The following DPP10 variants were observed in gnomAD, a reference collection of about 807,000 sequenced individuals.
The protein encoded by DPP10 is inactive dipeptidyl peptidase 10.
A neutral mutation model predicts 120.9 loss-of-function variants in DPP10; 33 were observed. The observed-to-expected ratio is 0.27, with a 90% CI of 0.21 to 0.37. The LOEUF (loss-of-function observed/expected upper bound fraction) is 0.37, where lower values mean the gene tolerates loss of function less well. Among genes scored for constraint, DPP10 ranks in the 10% least tolerant of loss-of-function variants. The pLI is 1.00. For missense variants in DPP10, 816 were observed against 942.8 expected (o/e 0.87, Z 1.76); for synonymous variants, 337 against 326.1 (o/e 1.03, Z -0.36).
chr2:114,820,535 A>G lies in DPP10; in HGVS notation c.60+377697A>G, dbSNP rs182023151. ...AGACATACCTGAGACAGGGTAATTT[A>G]TAAAGGAAAGAAGTTTAATTGACTC... On this transcript the variant is annotated intron_variant, in intron 1 of 25. Coordinates refer to ENST00000410059, the MANE Select transcript of DPP10 (RefSeq NM_020868.6). 2.1e-3 allele frequency among the ~76,000 whole-genome samples: 320 copies of G among 152,336 alleles called. 1 individual carries two copies. Among genetic ancestry groups the G allele is most frequent in the African/African-American group, 7.4e-3 (308 of 41,572 alleles).
At chr2:115,315,118 C>T (rs2061729694) in intron 2 of DPP10, among the ~76,000 whole-genome samples, 1 of 151,912 alleles carries the variant, frequency 6.6e-6, no homozygotes, top group South Asian at 2.1e-4. Flanking sequence ...GATTCATCTC[C>T]TAGCCTTACT....
In DPP10 at chr2:115,723,039, G is replaced by A. The variant is rs1000392376; in HGVS notation, c.577-4777G>A. 4.6e-4 allele frequency among the ~76,000 whole-genome samples: 70 copies of A among 152,086 alleles called. 2 individuals are homozygous for A. The highest frequency in any genetic ancestry group is 1.4e-3 in the African/African-American group (60 of 41,422). ...GCCAGAGCCACTGCCAGAGGCTTCC[G>A]GTTTCTGACTGGTAGAGCTCTCCTT... On this transcript the variant is annotated intron_variant, in intron 7 of 25. Transcript: ENST00000410059.
intron 1 of DPP10, among the ~76,000 whole-genome samples, chr2:115,251,980 C>G (rs182021381): frequency 4.6e-5 from 7 of 152,302 alleles, no homozygotes; most frequent in Non-Finnish European, 8.8e-5. Context: ...CAGACAATCT[C>G]TCTTGTTGAG....
intron 19 of DPP10, among the ~76,000 whole-genome samples, chr2:115,797,549 G>C (rs1017892247): frequency 6.6e-6 from 1 of 151,964 alleles, no homozygotes; most frequent in Non-Finnish European, 1.5e-5. Flanking sequence ...GCCATATAAT[G>C]AGGTTCAAAG....
intron 1 of DPP10, among the ~76,000 whole-genome samples, chr2:114,528,035 G>T (rs987695132): frequency 1.3e-5 from 2 of 152,142 alleles, no homozygotes; most frequent in African/African-American, 4.8e-5. Flanking sequence ...ATGGAGAGTG[G>T]AGTGTCAATG....
chr2:114,667,578 G>A (rs1269248962), intron 1 of DPP10, among the ~76,000 whole-genome samples: 3 of 152,130 alleles, frequency 2.0e-5, no homozygotes, highest in African/African-American at 4.8e-5. Flanking sequence ...CAAAGAAAAT[G>A]GAGTCAGTGA....
At chr2:114,977,266 A>G (rs1429492717) in intron 1 of DPP10, among the ~76,000 whole-genome samples, 1 of 152,142 alleles carries the variant, frequency 6.6e-6, no homozygotes, top group Non-Finnish European at 1.5e-5. Context: ...ACACGCTTGC[A>G]AAGTTATATG....
intron 1 of DPP10, among the ~76,000 whole-genome samples, chr2:114,702,208 A>G (rs1359523344): frequency 1.3e-5 from 2 of 152,184 alleles, no homozygotes; most frequent in Non-Finnish European, 2.9e-5. Context: ...GTAGGTATTC[A>G]GTACAAATAT....
intron 3 of DPP10, chr2:115,468,621 G>T: frequency 7.8e-6 from 3 of 384,736 alleles, no homozygotes; most frequent in South Asian, 6.0e-5. Flanking sequence ...CATCTCCCAT[G>T]AACATCCATG....
At chr2:115,322,203 C>A (rs1299496246) in intron 2 of DPP10, among the ~76,000 whole-genome samples, 1 of 152,000 alleles carries the variant, frequency 6.6e-6, no homozygotes, top group Non-Finnish European at 1.5e-5. Context: ...TTGTTTCTTG[C>A]TGTAGGCTGT....
intron 5 of DPP10, among the ~76,000 whole-genome samples, chr2:115,548,431 G>A (rs1015116881): frequency 2.0e-5 from 3 of 152,086 alleles, no homozygotes; most frequent in Non-Finnish European, 1.5e-5. Context: ...TATTAAAGAC[G>A]AGTTTCCCAG....
intron 5 of DPP10, among the ~76,000 whole-genome samples, chr2:115,600,964 G>A (rs953154102): frequency 1.3e-5 from 2 of 152,012 alleles, no homozygotes; most frequent in Non-Finnish European, 2.9e-5. Context: ...GTTTTGAATT[G>A]GGCTTTTTAG....
intron 2 of DPP10, among the ~76,000 whole-genome samples, chr2:115,332,352 T>C (rs1574456637): frequency 6.6e-6 from 1 of 152,304 alleles, no homozygotes; most frequent in East Asian, 1.9e-4. Flanking sequence ...TCTATCAATT[T>C]TGTTGATCTT....
At chr2:115,147,608 A>T (rs1368477237) in intron 1 of DPP10, among the ~76,000 whole-genome samples, 1 of 152,162 alleles carries the variant, frequency 6.6e-6, no homozygotes, top group South Asian at 2.1e-4. Context: ...ATTCTCAAAA[A>T]CAAAAGGAAA....
chr2:115,439,107 G>T (rs946863010), intron 3 of DPP10, among the ~76,000 whole-genome samples: 9 of 108,616 alleles, frequency 8.3e-5, no homozygotes, highest in Admixed American at 2.7e-4. Context: ...GAAGCACAGT[G>T]TGGAATAGTG....
intron 4 of DPP10, among the ~76,000 whole-genome samples, chr2:115,504,472 A>T (rs1049358717): frequency 6.6e-6 from 1 of 151,956 alleles, no homozygotes; most frequent in Non-Finnish European, 1.5e-5. Flanking sequence ...CTGTTGCTAG[A>T]TACCTTCATA....
chr2:115,383,290 A>G (rs1292484612), intron 3 of DPP10, among the ~76,000 whole-genome samples: 2 of 152,162 alleles, frequency 1.3e-5, no homozygotes, highest in Non-Finnish European at 2.9e-5. Flanking sequence ...AAGTCTCACA[A>G]GATATGATGG....
intron 13 of DPP10, 43 bp downstream of exon 13, chr2:115,768,447 A>C: frequency 6.4e-7 from 1 of 1,564,990 alleles, no homozygotes; most frequent in Non-Finnish European, 8.8e-7. Flanking sequence ...CATTGTCCTC[A>C]TGTCCCCGAA....
At chr2:115,521,329 A>T (rs150039839) in intron 4 of DPP10, among the ~76,000 whole-genome samples, 86 of 152,308 alleles carry the variant, frequency 5.6e-4, no homozygotes, top group African/African-American at 1.9e-3. Flanking sequence ...ATTACTCTGT[A>T]TAAATGATAA....
Sources: allele counts gnomAD v4.1 joint callset (sites outside exome capture counted in the v4.1 genomes callset), GRCh38; gene constraint gnomAD v4.1.1; transcripts MANE v1.5; gene names NCBI Gene and HGNC (gene_info 2026-07-23, HGNC 2026-07-21).